Variants in MITF observed in about 807,000 individuals in gnomAD.
MITF encodes the protein melanocyte inducing transcription factor.
A neutral mutation model predicts 60.5 loss-of-function variants in MITF; 17 were observed. The ratio of observed to expected loss-of-function variants is 0.28; its 90% confidence interval spans 0.19 to 0.42. MITF has a LOEUF of 0.42. Ranked by LOEUF, MITF falls within the 10% of genes least tolerant of loss-of-function variation. The pLI is 1.00. For missense variants in MITF, 622 were observed against 683.5 expected, an observed-to-expected ratio of 0.91 and a Z score of 1.00; for synonymous variants, 260 against 248.5, an observed-to-expected ratio of 1.05 and a Z score of -0.43.
chr3:69,885,733 A>G (rs541488760), intron 2 of MITF, among the ~76,000 whole-genome samples: 1 of 152,226 alleles, frequency 6.6e-6, no homozygotes, highest in South Asian at 2.1e-4. Context: ...TTGGGATACT[A>G]ATGAATAAAA....
chr3:69,784,366 T>C (rs1301150039), intron 1 of MITF, among the ~76,000 whole-genome samples: 8 of 152,194 alleles, frequency 5.3e-5, no homozygotes, highest in Non-Finnish European at 1.5e-5. Flanking sequence ...CAAACATTTC[T>C]AACGTTTATA....
intron 2 of MITF, among the ~76,000 whole-genome samples, chr3:69,937,418 G>A (rs2065867696): frequency 6.7e-6 from 1 of 150,284 alleles, no homozygotes; most frequent in African/African-American, 2.4e-5. Context: ...TAAAAAGAAA[G>A]CTGTTCTGTT....
chr3:69,940,601 T>C (rs1046180171), intron 4 of MITF, among the ~76,000 whole-genome samples: 3 of 152,176 alleles, frequency 2.0e-5, no homozygotes, highest in African/African-American at 7.2e-5. Context: ...GAGAAACTTA[T>C]TTTACAAGTC....
intron 2 of MITF, among the ~76,000 whole-genome samples, chr3:69,933,285 A>G (rs916823609): frequency 1.3e-5 from 2 of 152,182 alleles, no homozygotes; most frequent in Admixed American, 1.3e-4. Flanking sequence ...TAGAGAGAAT[A>G]GAAGAATAGT....
intron 5 of MITF, among the ~76,000 whole-genome samples, chr3:69,943,775 C>T (rs937093980): frequency 2.6e-5 from 4 of 151,958 alleles, no homozygotes; most frequent in African/African-American, 7.3e-5. Context: ...TTGTCATGAC[C>T]CCATATATGC....
intron 2 of MITF, among the ~76,000 whole-genome samples, chr3:69,921,831 A>G (rs2065473850): frequency 6.6e-6 from 1 of 152,178 alleles, no homozygotes; most frequent in Non-Finnish European, 1.5e-5. Flanking sequence ...GGATTTCTAC[A>G]CTGTGGCATT....
chr3:69,881,643 GT>G (rs72430802), intron 2 of MITF, among the ~76,000 whole-genome samples: 15,883 of 148,322 alleles, frequency 0.11, 1,833 homozygotes, highest in African/African-American at 0.29. Flanking sequence ...GAGAAAGGTG[GT>G]TTTTTTTTTC....
chr3:69,796,651 C>T lies in MITF; in HGVS notation c.104+56950C>T, dbSNP rs534749270. On this transcript the variant is annotated intron_variant, in intron 1 of 9. Coordinates refer to ENST00000352241, the MANE Select transcript of MITF (RefSeq NM_001354604.2). The stretch of plus-strand genomic sequence containing the variant: ...CCTCCCAAGTAGCTGGGACTACAGG[C>T]GCCCGCCACCGCGCCCGGCTAATTT... Among the ~76,000 whole-genome samples, 11 of 151,432 alleles carry T rather than the reference C, an allele frequency of 7.3e-5. No homozygotes were observed. The South Asian group carries it at 1.0e-3, about 14-fold the overall frequency.
intron 1 of MITF, among the ~76,000 whole-genome samples, chr3:69,821,677 GAAAAAAAAAAACTAA>G (rs1329758310): frequency 8.9e-6 from 1 of 112,734 alleles, no homozygotes; most frequent in Non-Finnish European, 1.7e-5. Context: ...TTTAGAAAAG[GAAAAAAAAAAACTAA>G]AAAAAAAAAA....
intron 1 of MITF, among the ~76,000 whole-genome samples, chr3:69,870,229 C>G (rs1461463791): frequency 6.7e-6 from 1 of 148,636 alleles, no homozygotes; most frequent in Non-Finnish European, 1.5e-5. Flanking sequence ...AAAGTGCCAC[C>G]AACTGCACAA....
In MITF at chr3:69,967,031, C is replaced by G. The variant is rs2066705497; in HGVS notation, c.*1783C>G. ...GTGACAGAGTGCCAACTTCTTTCAT[C>G]AGGAAACCTTATTCAGGAGGGTTTT... On this transcript the variant is annotated 3_prime_UTR_variant, in exon 10 of 10. Transcript: ENST00000352241. 1.7e-5 allele frequency: 4 copies of G among 232,114 alleles called. No homozygotes were observed. The highest frequency in any genetic ancestry group is 8.8e-5 in the African/African-American group (4 of 45,226). 14.4% of individuals were successfully genotyped at this position (232,114 alleles called of 1,614,324 possible). A position where few individuals can be genotyped will look rare whatever the true frequency, so the allele number is the denominator to read the frequency against.
chr3:69,895,101 T>A (rs1374035433), intron 2 of MITF, among the ~76,000 whole-genome samples: 1 of 152,200 alleles, frequency 6.6e-6, no homozygotes, highest in African/African-American at 2.4e-5. Flanking sequence ...TCCTGGAGAA[T>A]CGCCCACCTA....
At chr3:69,936,801 A>T in intron 2 of MITF, 1 of 1,568,750 alleles carries the variant, frequency 6.4e-7, no homozygotes, top group East Asian at 2.3e-5. Flanking sequence ...ATATAATGCA[A>T]TAAATTGATT....
intron 2 of MITF, 60 bp downstream of exon 2, chr3:69,879,443 G>C: frequency 1.2e-6 from 2 of 1,610,642 alleles, no homozygotes; most frequent in Non-Finnish European, 1.7e-6. Context: ...CATTTGCTAG[G>C]TGTTTTGTTT....
At chr3:69,767,352 G>T (rs1411529112) in intron 1 of MITF, among the ~76,000 whole-genome samples, 1 of 152,144 alleles carries the variant, frequency 6.6e-6, no homozygotes, top group Non-Finnish European at 1.5e-5. Flanking sequence ...GGGAGACTGA[G>T]GTGGGTGGGT....
intron 1 of MITF, among the ~76,000 whole-genome samples, chr3:69,796,520 G>C (rs2062832297): frequency 1.7e-5 from 1 of 60,560 alleles, no homozygotes; most frequent in Non-Finnish European, 4.4e-5. Context: ...TTTTTTTTGA[G>C]ACGGAGTCTC....
At chr3:69,959,541 T>C in intron 9 of MITF, 121 bp downstream of exon 9, 1 of 1,258,456 alleles carries the variant, frequency 7.9e-7, no homozygotes, top group Non-Finnish European at 1.1e-6. Flanking sequence ...CAATCCTTAT[T>C]ATTTGTGGAT....
chr3:69,900,608 A>T (rs1232394589), intron 2 of MITF, among the ~76,000 whole-genome samples: 3 of 152,178 alleles, frequency 2.0e-5, no homozygotes, highest in Non-Finnish European at 2.9e-5. Context: ...CAGGGTAAAA[A>T]GGGGGAGGCA....
At chr3:69,940,121 A>T (rs148362616) in intron 4 of MITF, among the ~76,000 whole-genome samples, 2 of 152,332 alleles carry the variant, frequency 1.3e-5, no homozygotes, top group Non-Finnish European at 2.9e-5. Flanking sequence ...AAATCATACA[A>T]GAATCCATAA....
Sources: allele counts gnomAD v4.1 joint callset (sites outside exome capture counted in the v4.1 genomes callset), GRCh38; gene constraint gnomAD v4.1.1; transcripts MANE v1.5; gene names NCBI Gene and HGNC (gene_info 2026-07-23, HGNC 2026-07-21).